Variants in SLCO1A2 observed in about 807,000 individuals in gnomAD.
The protein encoded by SLCO1A2 is OATP-1.
Under a neutral mutation model 69.0 loss-of-function variants are expected in SLCO1A2, and 67 were observed. That is an observed-to-expected ratio of 0.97 (90% CI 0.80 to 1.19). The LOEUF (loss-of-function observed/expected upper bound fraction) is 1.19, where lower values mean the gene tolerates loss of function less well. Among genes scored for constraint, SLCO1A2 ranks in the 50% most tolerant of loss-of-function variants. The probability of loss-of-function intolerance (pLI) is 0.00; values close to 1 mark genes in which losing one functional copy is unlikely to be tolerated. For synonymous variants in SLCO1A2, 260 were observed against 265.9 expected, an observed-to-expected ratio of 0.98 and a Z score of 0.22; for missense variants, 787 against 793.7, an observed-to-expected ratio of 0.99 and a Z score of 0.10.
At chr12:21,303,561 T>C (rs1948985695) in intron 6 of SLCO1A2, among the ~76,000 whole-genome samples, 2 of 152,200 alleles carry the variant, frequency 1.3e-5, no homozygotes, top group East Asian at 3.8e-4. Flanking sequence ...CATACATTAA[T>C]GGCAAAATGT....
At chr12:21,332,970 A>G (rs1187654902) in intron 2 of SLCO1A2, among the ~76,000 whole-genome samples, 1 of 152,098 alleles carries the variant, frequency 6.6e-6, no homozygotes, top group African/African-American at 2.4e-5. Flanking sequence ...TTTGAATAGC[A>G]TTCTTAATAT....
upstream of SLCO1A2, among the ~76,000 whole-genome samples, chr12:21,396,010 A>T (rs1286386302): frequency 6.6e-6 from 1 of 151,510 alleles, no homozygotes; most frequent in Non-Finnish European, 1.5e-5. Context: ...GCAACGGAAC[A>T]AAGCTGGATG....
intron 8 of SLCO1A2, among the ~76,000 whole-genome samples, chr12:21,300,091 AGAGAGAG>A (rs1211970324): frequency 1.4e-5 from 2 of 148,016 alleles, no homozygotes; most frequent in Non-Finnish European, 1.5e-5. Flanking sequence ...TGAAAGAGAG[AGAGAGAG>A]GAGAGTGCCA....
At chr12:21,407,781 TG>T (rs1302254303) in intron 1 of SLCO1A2, among the ~76,000 whole-genome samples, 1 of 148,076 alleles carries the variant, frequency 6.8e-6, no homozygotes, top group African/African-American at 2.5e-5. Context: ...TACCCCAACC[TG>T]GGTGACAGAG....
chr12:21,372,321 TTTG>T (rs1247333244), intron 2 of SLCO1A2, among the ~76,000 whole-genome samples: 2 of 152,172 alleles, frequency 1.3e-5, no homozygotes, highest in African/African-American at 4.8e-5. Context: ...TCATTCTAAT[TTTG>T]TTTTGTTCCC....
At chr12:21,273,221 AT>A (rs1943188508) in intron 14 of SLCO1A2, among the ~76,000 whole-genome samples, 1 of 152,166 alleles carries the variant, frequency 6.6e-6, no homozygotes, top group Admixed American at 6.5e-5. Context: ...CTTCAAAAAA[AT>A]CTGCCCAAAC....
chr12:21,369,905 C>A (rs1229448275), intron 2 of SLCO1A2, among the ~76,000 whole-genome samples: 1 of 152,166 alleles, frequency 6.6e-6, no homozygotes, highest in Admixed American at 6.5e-5. Context: ...ATTAGTGCTA[C>A]AGGGAGCATG....
intron 1 of SLCO1A2, among the ~76,000 whole-genome samples, chr12:21,402,270 T>C (rs1016111551): frequency 6.6e-6 from 1 of 151,792 alleles, no homozygotes; most frequent in East Asian, 1.9e-4. Context: ...GAAACGTATA[T>C]GAGAGGTGAG....
At chr12:21,371,493 C>G (rs1939785656) in intron 2 of SLCO1A2, among the ~76,000 whole-genome samples, 1 of 152,198 alleles carries the variant, frequency 6.6e-6, no homozygotes. Context: ...AAACAAGTTT[C>G]TTTCCTCCTG....
At chr12:21,405,534 C>T (rs1263202556) in intron 1 of SLCO1A2, among the ~76,000 whole-genome samples, 2 of 152,168 alleles carry the variant, frequency 1.3e-5, no homozygotes, top group African/African-American at 4.8e-5. Flanking sequence ...AACTATGCTA[C>T]AAGGCTACAG....
chr12:21,348,796 G>A (rs2137004925), intron 2 of SLCO1A2, among the ~76,000 whole-genome samples: 1 of 152,180 alleles, frequency 6.6e-6, no homozygotes, highest in African/African-American at 2.4e-5. Context: ...GGAGCACAGG[G>A]GATTTTTAGG....
intron 2 of SLCO1A2, among the ~76,000 whole-genome samples, chr12:21,364,096 A>G (rs1939170651): frequency 6.6e-6 from 1 of 152,218 alleles, no homozygotes; most frequent in Non-Finnish European, 1.5e-5. Flanking sequence ...CACAACAAAA[A>G]AAGAGAATTT....
intron 8 of SLCO1A2, among the ~76,000 whole-genome samples, chr12:21,298,584 A>C (rs1480598303): frequency 1.3e-5 from 2 of 152,190 alleles, no homozygotes; most frequent in African/African-American, 2.4e-5. Flanking sequence ...AATGAGTTAT[A>C]ATTGTAAAAT....
At chr12:21,324,256 C>A (rs1952015067) in intron 2 of SLCO1A2, among the ~76,000 whole-genome samples, 1 of 152,136 alleles carries the variant, frequency 6.6e-6, no homozygotes, top group African/African-American at 2.4e-5. Flanking sequence ...GGCTGAAATC[C>A]AGTAACAAGT....
chr12:21,346,208 A>G (rs1953246618), intron 2 of SLCO1A2, among the ~76,000 whole-genome samples: 1 of 152,168 alleles, frequency 6.6e-6, no homozygotes. Context: ...GAGAAGCCAT[A>G]TACAAAATCA....
intron 1 of SLCO1A2, among the ~76,000 whole-genome samples, chr12:21,400,885 G>T (rs1320489570): frequency 1.1e-5 from 1 of 93,054 alleles, no homozygotes; most frequent in East Asian, 4.5e-4. Context: ...TGTGGGGTGG[G>T]GGGAGGGGGG....
intron 12 of SLCO1A2, among the ~76,000 whole-genome samples, chr12:21,281,546 AT>A (rs1232477224): frequency 6.6e-6 from 1 of 152,138 alleles, no homozygotes; most frequent in African/African-American, 2.4e-5. Context: ...AAAAGAAATA[AT>A]AAAGATCGGA....
chr12:21,357,399 A>T (rs1389579948), intron 2 of SLCO1A2, among the ~76,000 whole-genome samples: 1 of 152,218 alleles, frequency 6.6e-6, no homozygotes, highest in Non-Finnish European at 1.5e-5. Context: ...AGCTAGAAAG[A>T]GGCATGGAAC....
intron 2 of SLCO1A2, among the ~76,000 whole-genome samples, chr12:21,343,884 C>G (rs969018346): frequency 6.6e-6 from 1 of 152,090 alleles, no homozygotes. Context: ...ATCACACCCA[C>G]TAGATGGACA....
Sources: allele counts gnomAD v4.1 joint callset (sites outside exome capture counted in the v4.1 genomes callset), GRCh38; gene constraint gnomAD v4.1.1; transcripts MANE v1.5; gene names NCBI Gene and HGNC (gene_info 2026-07-23, HGNC 2026-07-21).